The following AOPEP variants were observed in gnomAD, a reference collection of about 807,000 sequenced individuals.
AOPEP encodes the protein aminopeptidase O.
AOPEP carries 77 observed loss-of-function variants against 98.1 expected under a neutral mutation model. The observed-to-expected ratio is 0.78, with a 90% CI of 0.65 to 0.95. The LOEUF (loss-of-function observed/expected upper bound fraction) is 0.95, where lower values mean the gene tolerates loss of function less well. AOPEP is among the 40% of genes least tolerant of loss of function. The pLI, the probability that AOPEP is intolerant of heterozygous loss-of-function variation, is 0.00. For synonymous variants in AOPEP, 346 were observed against 365.3 expected (o/e 0.95, Z 0.60); for missense variants, 1,024 against 1,024.7 (o/e 1.00, Z 0.01).
chr9:95,066,491 A>G (rs2067904098), intron 14 of AOPEP, among the ~76,000 whole-genome samples: 2 of 152,220 alleles, frequency 1.3e-5, no homozygotes. Flanking sequence ...TTTTTCTTAA[A>G]TGGTCAGCTT....
intron 1 of AOPEP, among the ~76,000 whole-genome samples, chr9:94,734,105 A>T (rs1166230598): frequency 3.3e-5 from 5 of 151,886 alleles, no homozygotes; most frequent in African/African-American, 1.2e-4. Context: ...CAATCCTCTG[A>T]GTTTATACTT....
At chr9:94,922,225 G>A (rs2053724708) in intron 5 of AOPEP, among the ~76,000 whole-genome samples, 1 of 152,160 alleles carries the variant, frequency 6.6e-6, no homozygotes, top group Non-Finnish European at 1.5e-5. Context: ...AGAAGAGCAG[G>A]CAGGTCCCCG....
At chr9:95,123,763 C>T in the AOPEP span, 2 of 698,960 alleles carry the variant, frequency 2.9e-6, no homozygotes, top group Non-Finnish European at 5.3e-6. Flanking sequence ...CAATTCACAG[C>T]AAAGTAGTCA....
At chr9:95,014,253 G>A (rs1274084882) in intron 13 of AOPEP, among the ~76,000 whole-genome samples, 2 of 151,952 alleles carry the variant, frequency 1.3e-5, no homozygotes, top group Non-Finnish European at 2.9e-5. Context: ...GATGGCTTGA[G>A]TCTAGGAGTT....
rs115585078 is a variant in AOPEP, at chr9:94,924,983, C to G, written c.1554+808C>G. Among the ~76,000 whole-genome samples the G allele has an allele frequency of 5.0e-3, 763 of 152,054 alleles. 3 individuals are homozygous for G. Among genetic ancestry groups the G allele is most frequent in the African/African-American group, 0.017 (689 of 41,364 alleles). The stretch of plus-strand genomic sequence containing the variant: ...GCTGCTTCGTGCTTACTTTCAAGTT[C>G]CTATTTTTGTTGTTGTTGTTGTTGT... On this transcript the variant is annotated intron_variant, in intron 6 of 16. Transcript: ENST00000375315.
chr9:94,734,150 C>A (rs994495666), intron 1 of AOPEP, among the ~76,000 whole-genome samples: 6 of 152,248 alleles, frequency 3.9e-5, no homozygotes, highest in Middle Eastern at 3.4e-3. Context: ...GTGCTCCCCG[C>A]CGAGTTTATC....
At chr9:95,110,652 G>C in the AOPEP span, 1 of 1,047,312 alleles carries the variant, frequency 9.5e-7, no homozygotes, top group Non-Finnish European at 1.2e-6. Context: ...TAGTCTGTGT[G>C]TTTTCAAACA....
chr9:94,814,175 A>G (rs1208659498), intron 5 of AOPEP, among the ~76,000 whole-genome samples: 1 of 152,256 alleles, frequency 6.6e-6, no homozygotes, highest in Admixed American at 6.5e-5. Flanking sequence ...ATTACCACAC[A>G]AACACCTCCA....
At chr9:94,773,661 G>T (rs1482482775) in intron 3 of AOPEP, among the ~76,000 whole-genome samples, 1 of 152,354 alleles carries the variant, frequency 6.6e-6, no homozygotes, top group Non-Finnish European at 1.5e-5. Context: ...GTATAAGAAA[G>T]ATGGAAGGCA....
At chr9:94,913,074 GC>G (rs1224390269) in intron 5 of AOPEP, among the ~76,000 whole-genome samples, 1 of 152,236 alleles carries the variant, frequency 6.6e-6, no homozygotes, top group East Asian at 1.9e-4. Flanking sequence ...GGGGACATGG[GC>G]AGGCAGAATT....
intron 5 of AOPEP, among the ~76,000 whole-genome samples, chr9:94,911,559 A>G (rs1043924585): frequency 2.0e-5 from 3 of 152,214 alleles, no homozygotes; most frequent in African/African-American, 4.8e-5. Flanking sequence ...ATATGACAGG[A>G]TTGGTTCTGT....
chr9:95,111,164 T>G, the AOPEP span: 3 of 1,535,648 alleles, frequency 2.0e-6, no homozygotes, highest in Non-Finnish European at 2.6e-6. Context: ...GACGCGACCC[T>G]GGGGCAGATA....
At chr9:94,870,106 A>G (rs1034520453) in intron 5 of AOPEP, among the ~76,000 whole-genome samples, 2 of 149,878 alleles carry the variant, frequency 1.3e-5, no homozygotes, top group Non-Finnish European at 2.9e-5. Context: ...CTCCTGCCTC[A>G]ACCTCCCAAG....
At chr9:94,767,907 A>G (rs1420691379) in intron 2 of AOPEP, among the ~76,000 whole-genome samples, 2 of 152,220 alleles carry the variant, frequency 1.3e-5, no homozygotes, top group African/African-American at 4.8e-5. Context: ...ATAATAAGGA[A>G]GAGGTGCATG....
chr9:94,988,565 G>A (rs1328620018), intron 11 of AOPEP, among the ~76,000 whole-genome samples: 1 of 152,120 alleles, frequency 6.6e-6, no homozygotes, highest in Admixed American at 6.5e-5. Flanking sequence ...TCCTGCCTTC[G>A]AACATCGAAG....
intron 7 of AOPEP, among the ~76,000 whole-genome samples, chr9:94,929,343 T>C (rs1363936535): frequency 1.3e-5 from 2 of 152,206 alleles, no homozygotes; most frequent in Admixed American, 6.5e-5. Flanking sequence ...AGGCCTGCCT[T>C]GGATGGTTCT....
At chr9:94,966,554 C>A (rs767193675) in intron 9 of AOPEP, among the ~76,000 whole-genome samples, 3 of 152,194 alleles carry the variant, frequency 2.0e-5, no homozygotes, top group Non-Finnish European at 1.5e-5. Context: ...ACTTGTTACT[C>A]ATTATCATCA....
At chr9:95,102,081 G>A in the AOPEP span, among the ~76,000 whole-genome samples, 23 of 152,188 alleles carry the variant, frequency 1.5e-4, no homozygotes, top group African/African-American at 2.4e-4. Flanking sequence ...GAGCCTCCTC[G>A]CATTGAGCTC....
At chr9:95,063,768 C>T (rs1265404629) in intron 14 of AOPEP, among the ~76,000 whole-genome samples, 3 of 152,082 alleles carry the variant, frequency 2.0e-5, no homozygotes, top group Non-Finnish European at 2.9e-5. Flanking sequence ...GTGTGGGTAT[C>T]GTGTGTTGTG....
Sources: allele counts gnomAD v4.1 joint callset (sites outside exome capture counted in the v4.1 genomes callset), GRCh38; gene constraint gnomAD v4.1.1; transcripts MANE v1.5; gene names NCBI Gene and HGNC (gene_info 2026-07-23, HGNC 2026-07-21).